SEMA3A: variants seen among roughly 807,000 people sequenced by gnomAD.
SEMA3A encodes semaphorin 3A, also known as semaphorin-3A.
A neutral mutation model predicts 97.9 loss-of-function variants in SEMA3A; 29 were observed. That is an observed-to-expected ratio of 0.30 (90% CI 0.22 to 0.40). The LOEUF (loss-of-function observed/expected upper bound fraction) is 0.40, where lower values mean the gene tolerates loss of function less well. Ranked by LOEUF, SEMA3A falls within the 10% of genes least tolerant of loss-of-function variation. The pLI is 1.00. For missense variants in SEMA3A, 763 were observed against 951.3 expected, an observed-to-expected ratio of 0.80 and a Z score of 2.60; for synonymous variants, 321 against 323.7, an observed-to-expected ratio of 0.99 and a Z score of 0.09.
chr7:84,424,926 T>C (rs1584314993), intron 1 of SEMA3A, among the ~76,000 whole-genome samples: 1 of 98,364 alleles, frequency 1.0e-5, no homozygotes, highest in African/African-American at 4.4e-5. Context: ...TATATATATT[T>C]ATATTTATAT....
chr7:84,197,730 C>CTTTTTT (rs139403623), upstream of SEMA3A, among the ~76,000 whole-genome samples: 1 of 69,344 alleles, frequency 1.4e-5, no homozygotes. Flanking sequence ...AAAGATCACT[C>CTTTTTT]TTTTTTTTTT....
chr7:83,977,728 G>T (rs1190593400), intron 14 of SEMA3A, among the ~76,000 whole-genome samples: 1 of 150,458 alleles, frequency 6.6e-6, no homozygotes, highest in African/African-American at 2.4e-5. Context: ...ATTAAGACTA[G>T]AAATTCTATT....
At chr7:84,461,002 G>T (rs1584341226) in intron 1 of SEMA3A, among the ~76,000 whole-genome samples, 1 of 151,958 alleles carries the variant, frequency 6.6e-6, no homozygotes, top group South Asian at 2.1e-4. Context: ...GAACAGCAGG[G>T]TTATTTATTC....
chr7:84,298,749 G>T (rs1182157309), intron 3 of SEMA3A, among the ~76,000 whole-genome samples: 1 of 152,170 alleles, frequency 6.6e-6, no homozygotes, highest in East Asian at 1.9e-4. Flanking sequence ...TTGGCTTAAA[G>T]AATGCAAAGT....
chr7:84,472,282 A>G (rs1210314629), intron 1 of SEMA3A, among the ~76,000 whole-genome samples: 1 of 152,128 alleles, frequency 6.6e-6, no homozygotes, highest in East Asian at 1.9e-4. Flanking sequence ...ACTCGAACAC[A>G]TGCTTCAGAA....
chr7:84,414,213 C>G (rs911794289), intron 1 of SEMA3A, among the ~76,000 whole-genome samples: 1 of 151,962 alleles, frequency 6.6e-6, no homozygotes, highest in African/African-American at 2.4e-5. Flanking sequence ...AATCTGGAAG[C>G]TATGCACCTG....
intron 3 of SEMA3A, among the ~76,000 whole-genome samples, chr7:84,210,481 A>G (rs1283652686): frequency 1.3e-5 from 2 of 151,178 alleles, no homozygotes; most frequent in African/African-American, 2.4e-5. Context: ...TTTTGTCATT[A>G]ACAGGGTATA....
intron 2 of SEMA3A, among the ~76,000 whole-genome samples, chr7:84,369,661 T>C (rs2116096361): frequency 6.6e-6 from 1 of 150,472 alleles, no homozygotes; most frequent in Middle Eastern, 3.4e-3. Flanking sequence ...GTTGAGCATC[T>C]AGTATATTTC....
chr7:84,074,603 C>T (rs935819264), intron 4 of SEMA3A, among the ~76,000 whole-genome samples: 2 of 151,714 alleles, frequency 1.3e-5, no homozygotes, highest in Non-Finnish European at 2.9e-5. Context: ...AGAAGAACCT[C>T]GGTGAAAGAT....
intron 2 of SEMA3A, among the ~76,000 whole-genome samples, chr7:84,312,407 G>C (rs1268229978): frequency 6.6e-6 from 1 of 151,622 alleles, no homozygotes; most frequent in Non-Finnish European, 1.5e-5. Flanking sequence ...GATCATCCCT[G>C]AAGACTTTTA....
At chr7:84,337,273 T>A (rs1284852308) in intron 2 of SEMA3A, among the ~76,000 whole-genome samples, 2 of 152,128 alleles carry the variant, frequency 1.3e-5, no homozygotes, top group Non-Finnish European at 2.9e-5. Context: ...GCAAGAAAAA[T>A]GTTGAAACTA....
intron 3 of SEMA3A, among the ~76,000 whole-genome samples, chr7:84,220,986 T>A (rs1798865805): frequency 6.6e-6 from 1 of 152,180 alleles, no homozygotes; most frequent in South Asian, 2.1e-4. Flanking sequence ...GCTATCAAAA[T>A]CTTGGATGGC....
intron 11 of SEMA3A, among the ~76,000 whole-genome samples, chr7:84,003,140 G>A (rs1392206022): frequency 1.3e-5 from 2 of 152,158 alleles, no homozygotes; most frequent in African/African-American, 4.8e-5. Context: ...AACTGTTTTT[G>A]GAGAACCAAC....
rs1805296655 is a variant in SEMA3A, at chr7:84,442,476, A to G, written c.-246+49984T>C. ...CAGAAGTTAGCTAAAGAATAAACAC[A>G]ATAAGCAATGAGGAAAAAAATCTGA... On this transcript the variant is annotated intron_variant, in intron 1 of 3. Coordinates refer to the SEMA3A transcript ENST00000424555. Among the ~76,000 whole-genome samples, 3 of 152,104 alleles carry G rather than the reference A, an allele frequency of 2.0e-5. No homozygotes were observed. The South Asian group carries it at 6.2e-4, about 31-fold the overall frequency.
intron 2 of SEMA3A, among the ~76,000 whole-genome samples, chr7:84,353,073 C>T (rs757089622): frequency 1.3e-5 from 2 of 151,736 alleles, no homozygotes; most frequent in East Asian, 1.9e-4. Context: ...ATACAACTTA[C>T]GCACATTCTC....
chr7:84,007,946 A>G lies in SEMA3A; in HGVS notation c.996-449T>C, dbSNP rs116540056. Among the ~76,000 whole-genome samples the G allele has an allele frequency of 7.3e-3, 1,113 of 152,324 alleles. 15 individuals carry two copies. The highest frequency in any genetic ancestry group is 0.025 in the African/African-American group (1,045 of 41,576). On this transcript the variant is annotated intron_variant, in intron 9 of 16. Transcript: ENST00000265362. ...TTGTAGGCTGAAACTAGTACAAAAG[A>G]TCGTGTCAAATGATGTGCCACATTA...
chr7:83,977,278 A>T (rs1229794865), intron 14 of SEMA3A, 82 bp from the exon 15 acceptor site: 2 of 639,578 alleles, frequency 3.1e-6, no homozygotes, highest in Middle Eastern at 4.4e-4. Context: ...AAGAGAAATA[A>T]AATATATATA....
chr7:84,257,439 C>T (rs1799741833), intron 3 of SEMA3A, among the ~76,000 whole-genome samples: 1 of 152,088 alleles, frequency 6.6e-6, no homozygotes, highest in Non-Finnish European at 1.5e-5. Context: ...TAAATATACA[C>T]ATCTATTCCC....
At chr7:84,341,342 G>T (rs1432317869) in intron 2 of SEMA3A, among the ~76,000 whole-genome samples, 1 of 152,078 alleles carries the variant, frequency 6.6e-6, no homozygotes, top group Non-Finnish European at 1.5e-5. Flanking sequence ...TTCTCTGTAT[G>T]TTTGTTTTAT....
Sources: allele counts gnomAD v4.1 joint callset (sites outside exome capture counted in the v4.1 genomes callset), GRCh38; gene constraint gnomAD v4.1.1; transcripts MANE v1.5; gene names NCBI Gene and HGNC (gene_info 2026-07-23, HGNC 2026-07-21).